Variants in CUBN observed in about 807,000 individuals in gnomAD.
CUBN encodes cubilin, also known as 460 kDa receptor.
Under a neutral mutation model 405.3 loss-of-function variants are expected in CUBN, and 282 were observed. The ratio of observed to expected loss-of-function variants is 0.70; its 90% confidence interval spans 0.63 to 0.77. The LOEUF (loss-of-function observed/expected upper bound fraction) is 0.77. Ranked by LOEUF, CUBN falls within the 30% of genes least tolerant of loss-of-function variation. The pLI is 0.00. For synonymous variants in CUBN, 1,684 were observed against 1,617.0 expected (o/e 1.04, Z -0.99); for missense variants, 4,514 against 4,475.2 (o/e 1.01, Z -0.25).
At position 17,071,575 on chromosome 10, in the gene CUBN, C is replaced by T. The variant is rs141874896; in HGVS notation, c.2476G>A (p.Val826Ile). ...TTAGGAAAAAAAGGCGAGCGAATGA[C>T]CCCTTCTCCAGTTAATTCATCCCCG... ...ACGDELTGEG[V>I]IRSPFFPNVY... Residue 826 changes from valine to isoleucine, a missense_variant, in exon 19 of 67, where the codon GTC (valine) becomes ATC (isoleucine). By Grantham distance (29) the Val-to-Ile change is conservative. This residue lies in a region of CUBN where 1,448 missense variants were observed against 1,388.0 expected (regional missense o/e 1.04). Coordinates refer to ENST00000377833, the MANE Select transcript of CUBN (RefSeq NM_001081.4). 39 of 1,613,754 alleles carry T rather than the reference C, an allele frequency of 2.4e-5. No individual in the cohort carries two copies. In the African/African-American group the frequency reaches 3.9e-4, roughly 16 times the overall value.
chr10:17,058,656 A>C (rs1209995822), intron 22 of CUBN, among the ~76,000 whole-genome samples: 2 of 152,070 alleles, frequency 1.3e-5, no homozygotes, highest in African/African-American at 4.8e-5. Flanking sequence ...AAAGATTAAA[A>C]ACCCCTCTTA....
At chr10:17,118,526 T>C (rs962278888) in intron 6 of CUBN, among the ~76,000 whole-genome samples, 1 of 152,174 alleles carries the variant, frequency 6.6e-6, no homozygotes, top group Non-Finnish European at 1.5e-5. Context: ...AACATCTGCC[T>C]CCCAGGTTCA....
chr10:17,035,849 GGGA>G (rs1345794685), intron 27 of CUBN, among the ~76,000 whole-genome samples: 1 of 141,306 alleles, frequency 7.1e-6, no homozygotes, highest in African/African-American at 2.5e-5. Flanking sequence ...GGTGGAGGGT[GGGA>G]GGAGGGAGAG....
At chr10:16,949,608 T>C (rs1842877153) in intron 34 of CUBN, among the ~76,000 whole-genome samples, 1 of 152,086 alleles carries the variant, frequency 6.6e-6, no homozygotes, top group South Asian at 2.1e-4. Context: ...AAGTGCTTTT[T>C]TTTTCGCTTC....
chr10:17,122,563 T>G, intron 6 of CUBN: 1 of 576,406 alleles, frequency 1.7e-6, no homozygotes, highest in Non-Finnish European at 3.4e-6. Flanking sequence ...TCCGGTTCCT[T>G]GGGGATGTTA....
intron 59 of CUBN, among the ~76,000 whole-genome samples, chr10:16,855,165 G>A (rs78599526): frequency 0.011 from 1,625 of 147,402 alleles, 29 homozygotes; most frequent in African/African-American, 0.038. Context: ...GGCTGGTCTC[G>A]TATTCTTGGG....
At chr10:17,092,629 G>C (rs1466656958) in intron 14 of CUBN, among the ~76,000 whole-genome samples, 1 of 152,082 alleles carries the variant, frequency 6.6e-6, no homozygotes, top group Non-Finnish European at 1.5e-5. Context: ...TAGTGCATTA[G>C]CATGCTAAAA....
chr10:16,997,707 T>C (rs918753420), intron 28 of CUBN, among the ~76,000 whole-genome samples: 1 of 152,176 alleles, frequency 6.6e-6, no homozygotes, highest in African/African-American at 2.4e-5. Flanking sequence ...GACAGGAATA[T>C]GTGCTCCTTA....
chr10:17,066,996 T>A (rs1411760593), intron 21 of CUBN, among the ~76,000 whole-genome samples: 1 of 152,208 alleles, frequency 6.6e-6, no homozygotes, highest in East Asian at 1.9e-4. Context: ...AAAACTGAAA[T>A]GGATCAACCT....
intron 56 of CUBN, among the ~76,000 whole-genome samples, chr10:16,877,590 C>T (rs1445483147): frequency 6.6e-6 from 1 of 152,164 alleles, no homozygotes; most frequent in Non-Finnish European, 1.5e-5. Flanking sequence ...AAAACTTGCT[C>T]CAAGCTTATG....
At chr10:16,922,054 C>T (rs914120209) in intron 43 of CUBN, among the ~76,000 whole-genome samples, 3 of 152,134 alleles carry the variant, frequency 2.0e-5, no homozygotes, top group Non-Finnish European at 4.4e-5. Flanking sequence ...TCCTTGATAC[C>T]TTTCACCATA....
chr10:17,103,374 T>A lies in CUBN; in HGVS notation c.1418-137A>T, dbSNP rs888146590. 4 of 681,174 alleles carry A rather than the reference T, an allele frequency of 5.9e-6. No individual in the cohort carries two copies. The African/African-American group carries it at 7.1e-5, about 12-fold the overall frequency. 42.2% of individuals were successfully genotyped at this position (681,174 alleles called of 1,614,324 possible). On this transcript the variant is annotated intron_variant, in intron 12 of 66. Transcript: ENST00000377833. Reference sequence around the variant, plus strand: ...GAGATAAAAGCCCTGCCATTCCCTCTCCTCTGTGCCCTTTTTCTGTCAACT... The same window carrying A: ...GAGATAAAAGCCCTGCCATTCCCTCACCTCTGTGCCCTTTTTCTGTCAACT...
rs1836086082 is a variant in CUBN, at chr10:17,085,529, T to C, written c.2110+68A>G. 7 of 1,434,602 alleles carry C rather than the reference T, an allele frequency of 4.9e-6. No homozygotes were observed. In the East Asian group the frequency reaches 1.4e-4, roughly 28 times the overall value. The allele number at this position is 1,434,602 out of a possible 1,614,324, so 88.9% of individuals were successfully genotyped here. A position where few individuals can be genotyped will look rare whatever the true frequency, so the allele number is the denominator to read the frequency against. ...TCATCCTCTGAATCACATTAAAATA[T>C]AAAACAGATGTAAGCATAGCATTGG... On this transcript the variant is annotated intron_variant, in intron 16 of 66. Transcript: ENST00000377833.
chr10:16,893,128 A>T (rs1841081512), intron 54 of CUBN, among the ~76,000 whole-genome samples: 1 of 152,204 alleles, frequency 6.6e-6, no homozygotes, highest in African/African-American at 2.4e-5. Context: ...ATCAGGTCAA[A>T]AACTTTCTGA....
Position 17,114,082 on chromosome 10 carries a change from T to C in CUBN, c.828A>G (p.Thr276=), listed in dbSNP as rs767919291. ...CTTGAGTGTTGAAACACTGCACAAG[T>C]GTGGAGCAAGGCCCGGGCTGGAAGC... The part of the protein sequence containing the change: ...ECSFQPGPCS[T]LVQCFNTQGS... Residue 276 remains threonine, a synonymous_variant, in exon 8 of 67, where the codon ACA becomes ACG. Transcript: ENST00000377833. 6.2e-7 allele frequency: 1 copy of C among 1,613,156 alleles called. No individual in the cohort carries two copies.
intron 59 of CUBN, among the ~76,000 whole-genome samples, chr10:16,855,272 T>C (rs1839839626): frequency 6.6e-6 from 1 of 151,954 alleles, no homozygotes; most frequent in African/African-American, 2.4e-5. Flanking sequence ...AATTCTTCAG[T>C]ATCTCTCTTT....
At chr10:16,869,582 A>G (rs1470320207) in intron 59 of CUBN, 54 bp downstream of exon 59, 4 of 1,279,530 alleles carry the variant, frequency 3.1e-6, no homozygotes, top group Non-Finnish European at 2.3e-6. Context: ...GAAATTAAAT[A>G]AAGCAGAAAG....
intron 31 of CUBN, among the ~76,000 whole-genome samples, chr10:16,970,619 A>G (rs1687697): frequency 0.83 from 124,579 of 149,250 alleles, 52,528 homozygotes; most frequent in Non-Finnish European, 0.9. Context: ...CTGACCCTAA[A>G]TTTATTTTCT....
rs139053246 is a variant in CUBN at position 16,977,661 on chromosome 10, G to A, written c.4695+4823C>T. ...AAGATGGGTACCAAGAGGACACTGAGCTGGTTAAAACTTAAGCCATCTGAG... is the reference window on the plus strand; with the variant it reads ...AAGATGGGTACCAAGAGGACACTGAACTGGTTAAAACTTAAGCCATCTGAG... On this transcript the variant is annotated intron_variant, in intron 31 of 66. Coordinates refer to ENST00000377833, the MANE Select transcript of CUBN (RefSeq NM_001081.4). 1.9e-4 allele frequency among the ~76,000 whole-genome samples: 29 copies of A among 152,302 alleles called. 1 individual carries two copies. In the East Asian group the frequency reaches 4.8e-3, roughly 25 times the overall value.
Sources: allele counts gnomAD v4.1 joint callset (sites outside exome capture counted in the v4.1 genomes callset), GRCh38; gene constraint gnomAD v4.1.1; regional missense constraint gnomAD v4.1.1; transcripts MANE v1.5; gene names NCBI Gene and HGNC (gene_info 2026-07-23, HGNC 2026-07-21).